The following CELF2 variants were observed in gnomAD, a reference collection of about 807,000 sequenced individuals.
CELF2 encodes CUG triplet repeat RNA-binding protein 2.
CELF2 carries 8 observed loss-of-function variants against 62.6 expected under a neutral mutation model. That is an observed-to-expected ratio of 0.13 (90% CI 0.07 to 0.23). The LOEUF (loss-of-function observed/expected upper bound fraction) is 0.23, where lower values mean the gene tolerates loss of function less well. Among genes scored for constraint, CELF2 ranks in the 10% least tolerant of loss-of-function variants. The probability of loss-of-function intolerance (pLI) is 1.00; values close to 1 mark genes in which losing one functional copy is unlikely to be tolerated. For synonymous variants in CELF2, 258 were observed against 250.0 expected (o/e 1.03, Z -0.30); for missense variants, 333 against 671.0 (o/e 0.50, Z 5.56).
intron 1 of CELF2, among the ~76,000 whole-genome samples, chr10:10,827,384 G>A (rs1029857132): frequency 2.9e-4 from 44 of 152,132 alleles, no homozygotes; most frequent in African/African-American, 9.9e-4. Flanking sequence ...TCCTTCTGAG[G>A]ATAAGTAGGG....
At chr10:11,134,651 C>T (rs2060144115) in intron 1 of CELF2, among the ~76,000 whole-genome samples, 1 of 152,214 alleles carries the variant, frequency 6.6e-6, no homozygotes, top group Non-Finnish European at 1.5e-5. Flanking sequence ...GGTGCATCTG[C>T]TGCTCACAGA....
chr10:10,901,085 T>G (rs2062906446), intron 1 of CELF2, among the ~76,000 whole-genome samples: 1 of 152,176 alleles, frequency 6.6e-6, no homozygotes, highest in East Asian at 1.9e-4. Context: ...GACTCAATAG[T>G]GTTAACAAAT....
At chr10:11,273,715 G>GGT (rs141599147) in intron 7 of CELF2, among the ~76,000 whole-genome samples, 3 of 150,412 alleles carry the variant, frequency 2.0e-5, no homozygotes, top group Non-Finnish European at 3.0e-5. Flanking sequence ...TGAAAGTTTT[G>GGT]TTTTTTTGTT....
intron 1 of CELF2, among the ~76,000 whole-genome samples, chr10:10,857,504 C>T (rs960582578): frequency 1.3e-5 from 2 of 151,590 alleles, no homozygotes; most frequent in Non-Finnish European, 2.9e-5. Flanking sequence ...TGCCAAAGCA[C>T]TCTTTAAAGG....
rs551140422 is a variant in CELF2 at position 11,095,530 on chromosome 10, G to C, written c.75-69956G>C. Reference sequence around the variant, plus strand: ...ATGTTTTTAAATCCACGACCTGCAGGGGGAGGGCAGCTGAGGTTTAACAGG... The same window carrying C: ...ATGTTTTTAAATCCACGACCTGCAGCGGGAGGGCAGCTGAGGTTTAACAGG... On this transcript the variant is annotated intron_variant, in intron 1 of 12. Coordinates refer to ENST00000633077, the MANE Select transcript of CELF2 (RefSeq NM_001326342.2). Among the ~76,000 whole-genome samples, 17 of 152,304 alleles carry C rather than the reference G, an allele frequency of 1.1e-4. No homozygotes were observed. In the East Asian group the frequency reaches 1.7e-3, roughly 16 times the overall value.
chr10:10,895,561 T>G (rs1208217655), intron 1 of CELF2, among the ~76,000 whole-genome samples: 2 of 152,158 alleles, frequency 1.3e-5, no homozygotes, highest in East Asian at 3.9e-4. Flanking sequence ...CCAGACAATG[T>G]GGCCAAGGGT....
intron 1 of CELF2, among the ~76,000 whole-genome samples, chr10:10,898,821 G>A (rs1459959147): frequency 6.6e-6 from 1 of 152,050 alleles, no homozygotes; most frequent in Non-Finnish European, 1.5e-5. Context: ...GTTTTTAAGT[G>A]CACATAGAAC....
intron 3 of CELF2, among the ~76,000 whole-genome samples, chr10:11,218,799 T>TA (rs1022645705): frequency 1.3e-5 from 2 of 152,044 alleles, no homozygotes; most frequent in Non-Finnish European, 2.9e-5. Flanking sequence ...TCAGTGACTT[T>TA]AAAAAAATTG....
At chr10:10,659,224 A>T in the CELF2 span, among the ~76,000 whole-genome samples, 1 of 152,216 alleles carries the variant, frequency 6.6e-6, no homozygotes, top group African/African-American at 2.4e-5. Flanking sequence ...ACAGGAGCAT[A>T]TTAAAGAGAT....
the CELF2 span, among the ~76,000 whole-genome samples, chr10:10,659,483 C>T: frequency 6.6e-6 from 1 of 152,192 alleles, no homozygotes; most frequent in Non-Finnish European, 1.5e-5. Context: ...ATGCTTCTCC[C>T]TCCCCTCCTC....
At chr10:10,535,859 G>A in the CELF2 span, among the ~76,000 whole-genome samples, 1 of 152,080 alleles carries the variant, frequency 6.6e-6, no homozygotes, top group Non-Finnish European at 1.5e-5. Flanking sequence ...TAAATATCAA[G>A]GTGTTACATA....
Position 11,165,202 on chromosome 10 carries a change from C to T in CELF2, c.75-284C>T, listed in dbSNP as rs1464035584. ...CTTAACTTGCAGCTGCCTCCCGAGC[C>T]TCCAAGATGTCCACGCCCTGGGTGA... On this transcript the variant is annotated intron_variant, in intron 1 of 12. Transcript: ENST00000633077. The surrounding 1 kb of genome is among the most constrained non-coding windows in gnomAD (Gnocchi z 7.4). The T allele has an allele frequency of 1.6e-6, 2 of 1,250,128 alleles. No individual in the cohort carries two copies. Among genetic ancestry groups the T allele is most frequent in the Admixed American group, 7.9e-5 (2 of 25,248 alleles). The allele number at this position is 1,250,128 out of a possible 1,614,324, so 77.4% of individuals were successfully genotyped here.
chr10:10,593,695 G>A, the CELF2 span, among the ~76,000 whole-genome samples: 2,178 of 152,230 alleles, frequency 0.014, 89 homozygotes, highest in Admixed American at 0.077. Context: ...CTTTAAACCA[G>A]GAAGATTTGT....
intron 1 of CELF2, among the ~76,000 whole-genome samples, chr10:11,059,836 A>AGTGCACCTGAATAGAG (rs2066282300): frequency 6.6e-6 from 1 of 152,214 alleles, no homozygotes; most frequent in Admixed American, 6.5e-5. Context: ...TCCCTGGAAT[A>AGTGCACCTGAATAGAG]GTGCACCTGA....
chr10:10,554,147 G>T, the CELF2 span, among the ~76,000 whole-genome samples: 1 of 152,012 alleles, frequency 6.6e-6, no homozygotes, highest in South Asian at 2.1e-4. Flanking sequence ...AGTGATAAGG[G>T]GGGAAAGTCA....
rs187574751 is a variant in CELF2, at chr10:11,319,912, C to G, written c.1097-1277C>G. 9 of 470,056 alleles carry G rather than the reference C, an allele frequency of 1.9e-5. No individual in the cohort carries two copies. The East Asian group carries it at 6.3e-4, about 33-fold the overall frequency. The allele number at this position is 470,056 out of a possible 1,614,324, so 29.1% of individuals were successfully genotyped here. On this transcript the variant is annotated intron_variant, in intron 10 of 12. Coordinates refer to ENST00000633077, the MANE Select transcript of CELF2 (RefSeq NM_001326342.2). This position sits in a 1 kb window ranked among gnomAD's most constrained non-coding sequence, Gnocchi z 4.4. ...CGTTGCTGGGCGTGTGGAGGTCACT[C>G]TGCTGCCGGATTCTCTGGTGTTTCC...
At chr10:10,759,147 T>G in the CELF2 span, among the ~76,000 whole-genome samples, 1 of 152,124 alleles carries the variant, frequency 6.6e-6, no homozygotes, top group African/African-American at 2.4e-5. Flanking sequence ...AATGCATCAT[T>G]GAACAAATCC....
Position 10,920,029 on chromosome 10 carries a change from C to T in CELF2, c.89+30C>T, listed in dbSNP as rs151154694. ...GCACGCTGGCTTTGCTTATTCTATG[C>T]CCGATTTCTTATATCCACAAAGAGA... On this transcript the variant is annotated intron_variant, in intron 2 of 13. Transcript: ENST00000636488. The T allele has an allele frequency of 3.3e-6, 4 of 1,223,952 alleles. No homozygotes were observed. The African/African-American group carries it at 6.2e-5, about 19-fold the overall frequency. 75.8% of individuals were successfully genotyped at this position (1,223,952 alleles called of 1,614,324 possible).
At chr10:11,209,567 C>CT (rs113589265) in intron 2 of CELF2, among the ~76,000 whole-genome samples, 22,090 of 134,934 alleles carry the variant, frequency 0.16, 2,685 homozygotes, top group East Asian at 0.59. Context: ...AAGGACTACT[C>CT]TTTTTTTTTT....
Sources: gnomAD v4.1 joint callset for allele counts (sites outside exome capture counted in the v4.1 genomes callset) on GRCh38, gnomAD v4.1.1 for gene constraint, Gnocchi (gnomAD v3.1) non-coding constraint, MANE v1.5 for transcripts, NCBI Gene and HGNC (gene_info 2026-07-23, HGNC 2026-07-21) for gene names.